BMPER: variants seen among roughly 807,000 people sequenced by gnomAD.
BMPER encodes the protein BMP binding endothelial regulator, also known as BMP-binding endothelial regulator protein.
A neutral mutation model predicts 87.3 loss-of-function variants in BMPER; 45 were observed. That is an observed-to-expected ratio of 0.52 (90% CI 0.41 to 0.66). The LOEUF (loss-of-function observed/expected upper bound fraction) is 0.66, where lower values mean the gene tolerates loss of function less well. Among genes scored for constraint, BMPER ranks in the 30% least tolerant of loss-of-function variants. BMPER has a pLI of 0.00. For missense variants in BMPER, 784 were observed against 867.5 expected, an observed-to-expected ratio of 0.90 and a Z score of 1.21; for synonymous variants, 326 against 316.2, an observed-to-expected ratio of 1.03 and a Z score of -0.33.
At chr7:33,939,795 G>T (rs954935659) in intron 3 of BMPER, among the ~76,000 whole-genome samples, 1 of 152,098 alleles carries the variant, frequency 6.6e-6, no homozygotes, top group African/African-American at 2.4e-5. Context: ...GAGCTGTGAC[G>T]CAATTAAATC....
At chr7:33,999,538 G>T (rs1328910113) in intron 6 of BMPER, among the ~76,000 whole-genome samples, 2 of 152,300 alleles carry the variant, frequency 1.3e-5, no homozygotes, top group South Asian at 4.1e-4. Context: ...GATATAGTTT[G>T]ACCACAACTT....
chr7:34,079,650 G>T (rs116025214), intron 12 of BMPER, among the ~76,000 whole-genome samples: 2 of 152,078 alleles, frequency 1.3e-5, no homozygotes, highest in Non-Finnish European at 2.9e-5. Flanking sequence ...TCTTTGCAGC[G>T]GAGTCCTCAA....
At chr7:34,123,418 T>G (rs1223455237) in intron 13 of BMPER, among the ~76,000 whole-genome samples, 1 of 152,214 alleles carries the variant, frequency 6.6e-6, no homozygotes, top group African/African-American at 2.4e-5. Flanking sequence ...TATGTATTTC[T>G]TGGGCAGAAC....
chr7:33,954,158 TA>T (rs1392710271), intron 3 of BMPER, among the ~76,000 whole-genome samples: 2 of 152,184 alleles, frequency 1.3e-5, no homozygotes, highest in Non-Finnish European at 2.9e-5. Flanking sequence ...TTCTCCTGGT[TA>T]AATGATGTGT....
At chr7:34,077,413 A>G (rs1487343980) in intron 11 of BMPER, among the ~76,000 whole-genome samples, 2 of 152,134 alleles carry the variant, frequency 1.3e-5, no homozygotes, top group South Asian at 2.1e-4. Flanking sequence ...GGTGAATTTG[A>G]GTATTACTGC....
intron 5 of BMPER, 128 bp downstream of exon 5, chr7:33,970,547 G>A (rs1016603741): frequency 8.7e-5 from 83 of 953,744 alleles, no homozygotes; most frequent in South Asian, 9.4e-5. Context: ...TTTAGAGAGC[G>A]AGCTCCTTTG....
rs561288060 is a variant in BMPER at position 34,153,540 on chromosome 7, C to T, written c.*267C>T. 2.3e-5 allele frequency: 9 copies of T among 397,970 alleles called. No individual in the cohort carries two copies. In the South Asian group the frequency reaches 2.4e-4, roughly 11 times the overall value. The allele number at this position is 397,970 out of a possible 1,614,324, so 24.7% of individuals were successfully genotyped here. A position where few individuals can be genotyped will look rare whatever the true frequency, so the allele number is the denominator to read the frequency against. On this transcript the variant is annotated 3_prime_UTR_variant, in exon 15 of 15. Transcript: ENST00000649409. ...AGCCATTGAACATGTTGTATAAATA[C>T]ACCAGGTGTTTTTAATTTAATAAGG...
At chr7:33,970,140 T>C (rs1395751047) in intron 4 of BMPER, among the ~76,000 whole-genome samples, 189 bp from the exon 5 acceptor site, 1 of 152,230 alleles carries the variant, frequency 6.6e-6, no homozygotes, top group Non-Finnish European at 1.5e-5. Flanking sequence ...AGATTTGCAC[T>C]GAGTTCTACA....
At chr7:34,068,164 C>T (rs185805309) in intron 11 of BMPER, among the ~76,000 whole-genome samples, 36 of 152,302 alleles carry the variant, frequency 2.4e-4, no homozygotes, top group African/African-American at 7.0e-4. Context: ...TTATCACAGC[C>T]GTCTTGTGGT....
Position 33,937,325 on chromosome 7 carries a change from G to T in BMPER, c.256G>T (p.Val86Leu). ...EVTCKREKCP[V>L]LSRDCALAIK... The stretch of plus-strand genomic sequence containing the variant: ...GACATGTAAGAGAGAGAAGTGCCCC[G>T]TGCTGTCCCGAGACTGTGCCCTGGC... The change falls in exon 3 of 15, where the codon GTG becomes TTG. Residue 86 changes from valine to leucine, a missense_variant. Physicochemically the swap from Val to Leu is conservative, Grantham distance 32. Coordinates refer to ENST00000649409, the MANE Select transcript of BMPER (RefSeq NM_001365308.1). 6.2e-7 allele frequency: 1 copy of T among 1,614,194 alleles called. No homozygotes were observed. Among genetic ancestry groups the T allele is most frequent in the South Asian group, 1.1e-5 (1 of 91,088 alleles).
chr7:34,054,588 C>G (rs1178002170), intron 8 of BMPER, among the ~76,000 whole-genome samples: 1 of 152,176 alleles, frequency 6.6e-6, no homozygotes, highest in African/African-American at 2.4e-5. Context: ...GTGGCCTGGT[C>G]AAAGTCACTC....
At chr7:34,088,130 T>C (rs1228543971) in intron 13 of BMPER, among the ~76,000 whole-genome samples, 1 of 152,200 alleles carries the variant, frequency 6.6e-6, no homozygotes, top group Admixed American at 6.5e-5. Flanking sequence ...ATGAGAATGT[T>C]CTTGGGATCC....
chr7:34,146,007 T>C (rs1212165249), intron 14 of BMPER, among the ~76,000 whole-genome samples: 1 of 151,998 alleles, frequency 6.6e-6, no homozygotes, highest in African/African-American at 2.4e-5. Flanking sequence ...GAGGGGAATG[T>C]TTTAGACACA....
At chr7:34,129,620 G>GAA (rs1790512178) in intron 13 of BMPER, among the ~76,000 whole-genome samples, 1 of 123,556 alleles carries the variant, frequency 8.1e-6, no homozygotes, top group African/African-American at 3.2e-5. Context: ...AAGAGAGAGA[G>GAA]AGAGAAAGAG....
At chr7:33,944,973 G>A (rs1390528939) in intron 3 of BMPER, among the ~76,000 whole-genome samples, 1 of 152,124 alleles carries the variant, frequency 6.6e-6, no homozygotes, top group African/African-American at 2.4e-5. Flanking sequence ...ATGGAGTCTC[G>A]CTCTGTCACC....
intron 13 of BMPER, among the ~76,000 whole-genome samples, chr7:34,139,308 G>C (rs975264718): frequency 2.0e-5 from 3 of 152,166 alleles, no homozygotes; most frequent in African/African-American, 7.2e-5. Flanking sequence ...TACAGATTGG[G>C]CAGATTTTAG....
chr7:34,120,884 AG>A (rs1488203033), intron 13 of BMPER, among the ~76,000 whole-genome samples: 1 of 152,178 alleles, frequency 6.6e-6, no homozygotes, highest in Non-Finnish European at 1.5e-5. Flanking sequence ...AGCGATATAT[AG>A]TGTAATACCA....
At chr7:34,059,102 A>C (rs1788362615) in intron 10 of BMPER, among the ~76,000 whole-genome samples, 1 of 152,222 alleles carries the variant, frequency 6.6e-6, no homozygotes, top group Non-Finnish European at 1.5e-5. Flanking sequence ...TAAAAGAAAA[A>C]AAAAGAAGAT....
rs551058082 is a variant in BMPER at position 34,086,652 on chromosome 7, G to C, written c.1745+560G>C. Among the ~76,000 whole-genome samples, 11 of 152,360 alleles carry C rather than the reference G, an allele frequency of 7.2e-5. No homozygotes were observed. The South Asian group carries it at 2.1e-3, about 29-fold the overall frequency. ...ACTTCACGTCTAGAGTCAGATGACA[G>C]TAGAAACAGGGCTTGAGGATGGAGG... On this transcript the variant is annotated intron_variant, in intron 13 of 14. Coordinates refer to ENST00000649409, the MANE Select transcript of BMPER (RefSeq NM_001365308.1).
Sources: allele counts gnomAD v4.1 joint callset (sites outside exome capture counted in the v4.1 genomes callset), GRCh38; gene constraint gnomAD v4.1.1; transcripts MANE v1.5; gene names NCBI Gene and HGNC (gene_info 2026-07-23, HGNC 2026-07-21).